CLECL1: variants seen among roughly 807,000 people sequenced by gnomAD.
The protein encoded by CLECL1 is C-type lectin like 1.
At chr12:9,732,557 A>G (rs1421244009) in intron 1 of CLECL1, among the ~76,000 whole-genome samples, 2 of 152,244 alleles carry the variant, frequency 1.3e-5, no homozygotes, top group Non-Finnish European at 2.9e-5. Flanking sequence ...ATATGAGTAA[A>G]TTGCCACAGG....
the CLECL1 span, among the ~76,000 whole-genome samples, chr12:9,703,726 T>A: frequency 0.056 from 8,596 of 152,186 alleles, 258 homozygotes; most frequent in African/African-American, 0.072. Context: ...AAAAGAACAC[T>A]TGCCCGCATA....
chr12:9,707,360 A>G, the CLECL1 span, among the ~76,000 whole-genome samples: 1 of 152,220 alleles, frequency 6.6e-6, no homozygotes, highest in African/African-American at 2.4e-5. Flanking sequence ...CTAAAATTAC[A>G]TAGTAATTTT....
At chr12:9,728,503 T>C (rs12304982) in intron 2 of CLECL1, among the ~76,000 whole-genome samples, 32,921 of 151,764 alleles carry the variant, frequency 0.22, 4,482 homozygotes, top group African/African-American at 0.39. Context: ...AAACAGGTCC[T>C]GGGTCTCTAG....
chr12:9,706,786 A>C, the CLECL1 span, among the ~76,000 whole-genome samples: 10 of 152,100 alleles, frequency 6.6e-5, no homozygotes, highest in Non-Finnish European at 1.2e-4. Context: ...TTTGCATATG[A>C]TCATCAAGGA....
chr12:9,705,652 G>A, the CLECL1 span, among the ~76,000 whole-genome samples: 1 of 151,924 alleles, frequency 6.6e-6, no homozygotes, highest in Admixed American at 6.6e-5. Context: ...CTATTTACAG[G>A]GGAATCCTTT....
intron 3 of CLECL1, among the ~76,000 whole-genome samples, chr12:9,724,996 G>A (rs774698342): frequency 6.6e-6 from 1 of 152,124 alleles, no homozygotes; most frequent in Admixed American, 6.5e-5. Context: ...ATAAACTATG[G>A]GGGCTAGAAT....
downstream of CLECL1, among the ~76,000 whole-genome samples, chr12:9,721,128 C>T (rs933628615): frequency 6.6e-5 from 10 of 152,150 alleles, no homozygotes; most frequent in Non-Finnish European, 1.5e-5. Context: ...TCTTTCCCTG[C>T]CCCTCTGCCC....
downstream of CLECL1, among the ~76,000 whole-genome samples, chr12:9,722,147 G>T (rs11832765): frequency 6.6e-6 from 1 of 152,162 alleles, no homozygotes; most frequent in African/African-American, 2.4e-5. Context: ...CACTGAGAAG[G>T]TTTAAAATAG....
chr12:9,713,903 C>T (rs908001856), downstream of CLECL1, among the ~76,000 whole-genome samples: 6 of 152,152 alleles, frequency 3.9e-5, no homozygotes, highest in Non-Finnish European at 5.9e-5. Context: ...CACACTTGCA[C>T]GGGTACATGT....
the CLECL1 span, among the ~76,000 whole-genome samples, chr12:9,707,448 G>A: frequency 6.6e-6 from 1 of 152,196 alleles, no homozygotes; most frequent in African/African-American, 2.4e-5. Flanking sequence ...GGGAAGGGAA[G>A]AACATGGTCC....
chr12:9,705,257 CT>C, the CLECL1 span, among the ~76,000 whole-genome samples: 97 of 145,732 alleles, frequency 6.7e-4, 1 homozygote, highest in Admixed American at 8.2e-4. Flanking sequence ...TTAATGAGGT[CT>C]TTTTTTTTTG....
intron 1 of CLECL1, among the ~76,000 whole-genome samples, chr12:9,732,201 G>A (rs1866455854): frequency 6.6e-6 from 1 of 151,948 alleles, no homozygotes; most frequent in African/African-American, 2.4e-5. Context: ...CATTCCACAA[G>A]GGCAAATACA....
exon 3 of CLECL1, chr12:9,716,642 G>A (rs2121037879): frequency 2.6e-6 from 1 of 389,090 alleles, no homozygotes; most frequent in East Asian, 1.4e-4. Flanking sequence ...TATCAAACAA[G>A]AGCTTTGTTC....
the CLECL1 span, among the ~76,000 whole-genome samples, chr12:9,708,631 T>C: frequency 2.0e-5 from 3 of 152,160 alleles, no homozygotes; most frequent in African/African-American, 7.2e-5. Context: ...ACTCAAAGTT[T>C]GCCAACAGCA....
intron 3 of CLECL1, among the ~76,000 whole-genome samples, chr12:9,727,068 A>G (rs1866388730): frequency 6.6e-6 from 1 of 151,736 alleles, no homozygotes; most frequent in Non-Finnish European, 1.5e-5. Context: ...TAAAATGTAA[A>G]TTAAAAAATT....
chr12:9,719,483 A>C (rs1049089465), downstream of CLECL1, among the ~76,000 whole-genome samples: 2 of 152,222 alleles, frequency 1.3e-5, no homozygotes, highest in Non-Finnish European at 2.9e-5. Flanking sequence ...CCGAGATTGC[A>C]TCACTGCACT....
chr12:9,720,618 G>C (rs2121045427), downstream of CLECL1, among the ~76,000 whole-genome samples: 1 of 152,292 alleles, frequency 6.6e-6, no homozygotes, highest in African/African-American at 2.4e-5. Flanking sequence ...TGGGATTACA[G>C]GTGTGAGCCA....
chr12:9,721,116 C>A (rs1447624521), downstream of CLECL1, among the ~76,000 whole-genome samples: 2 of 152,192 alleles, frequency 1.3e-5, no homozygotes, highest in Non-Finnish European at 2.9e-5. Flanking sequence ...TCTTTTTATG[C>A]CTCTTTCCCT....
chr12:9,726,146 T>C (rs930539211), intron 3 of CLECL1, among the ~76,000 whole-genome samples: 1 of 151,988 alleles, frequency 6.6e-6, no homozygotes, highest in Non-Finnish European at 1.5e-5. Context: ...CAAGCCAACA[T>C]ATCAATAGGA....
Sources: gnomAD v4.1 joint callset for allele counts (sites outside exome capture counted in the v4.1 genomes callset) on GRCh38, gnomAD v4.1.1 for gene constraint, MANE v1.5 for transcripts, NCBI Gene and HGNC (gene_info 2026-07-23, HGNC 2026-07-21) for gene names.